RFX4: variants seen among roughly 807,000 people sequenced by gnomAD.
The protein encoded by RFX4 is regulatory factor X4.
In RFX4, 10 loss-of-function variants were observed where a neutral mutation model predicts 95.0. The observed-to-expected ratio is 0.11, with a 90% CI of 0.06 to 0.18. RFX4 has a LOEUF of 0.18. Ranked by LOEUF, RFX4 falls within the 10% of genes least tolerant of loss-of-function variation. The pLI is 1.00. For missense variants in RFX4, 640 were observed against 922.0 expected (o/e 0.69, Z 3.96); for synonymous variants, 321 against 340.7 (o/e 0.94, Z 0.64).
intron 3 of RFX4, among the ~76,000 whole-genome samples, chr12:106,641,985 A>ATATCTATATC (rs1565961057): frequency 1.4e-5 from 2 of 142,408 alleles, no homozygotes; most frequent in African/African-American, 5.8e-5. Context: ...ATCTATATCT[A>ATATCTATATC]TATCTATATC....
intron 3 of RFX4, among the ~76,000 whole-genome samples, chr12:106,648,658 G>A (rs2040800634): frequency 7.7e-6 from 1 of 129,402 alleles, no homozygotes; most frequent in African/African-American, 2.9e-5. Context: ...AAAAGAGAAT[G>A]AAAAAGTTTC....
At position 106,586,039 on chromosome 12, in the gene RFX4, G is replaced by A. The variant is rs1373597806; in HGVS notation, c.43+2676G>A. On this transcript the variant is annotated intron_variant, in intron 1 of 17. Coordinates refer to ENST00000392842, the MANE Select transcript of RFX4 (RefSeq NM_213594.3). This position sits in a 1 kb window ranked among gnomAD's most constrained non-coding sequence, Gnocchi z 5.6. ...AGTGTGGAGCTAAGACAATGGCCCG[G>A]TCGGGGGAAGCTGGGCAGCCGGCGC... 6.6e-6 allele frequency: 1 copy of A among 152,246 alleles called. No individual in the cohort carries two copies. The highest frequency in any genetic ancestry group is 2.4e-5 in the African/African-American group (1 of 41,450). 9.4% of individuals were successfully genotyped at this position (152,246 alleles called of 1,614,324 possible).
chr12:106,599,269 CT>C (rs1431906818), intron 1 of RFX4, among the ~76,000 whole-genome samples: 2 of 151,498 alleles, frequency 1.3e-5, no homozygotes, highest in Non-Finnish European at 2.9e-5. Flanking sequence ...TTGAGTTTCC[CT>C]AAAGTGGGAA....
intron 2 of RFX4, among the ~76,000 whole-genome samples, chr12:106,636,345 G>A (rs1046866245): frequency 2.7e-5 from 4 of 149,948 alleles, no homozygotes; most frequent in South Asian, 2.1e-4. Flanking sequence ...AGCTGAGATC[G>A]TGCCATTGCA....
At chr12:106,588,540 T>A (rs2039495450) in intron 1 of RFX4, among the ~76,000 whole-genome samples, 1 of 152,202 alleles carries the variant, frequency 6.6e-6, no homozygotes, top group South Asian at 2.1e-4. Flanking sequence ...GCATCCCTCC[T>A]GATGACAATC....
chr12:106,625,841 C>T (rs773329965), intron 2 of RFX4, among the ~76,000 whole-genome samples: 2 of 152,126 alleles, frequency 1.3e-5, no homozygotes, highest in Non-Finnish European at 2.9e-5. Flanking sequence ...TATTTTTTCT[C>T]CCCATTTTAC....
intron 17 of RFX4, among the ~76,000 whole-genome samples, chr12:106,753,719 C>A (rs2043056141): frequency 6.6e-6 from 1 of 152,216 alleles, no homozygotes; most frequent in Admixed American, 6.5e-5. Context: ...TCCAAGCTCT[C>A]AGGCACCACC....
intron 4 of RFX4, among the ~76,000 whole-genome samples, chr12:106,663,495 T>C (rs2137345520): frequency 6.6e-6 from 1 of 152,144 alleles, no homozygotes; most frequent in Middle Eastern, 3.4e-3. Flanking sequence ...AATTATGTCA[T>C]CTTTGAACAA....
Position 106,640,635 on chromosome 12 carries a change from T to C in RFX4, c.191+1243T>C, listed in dbSNP as rs138127446. 1.1e-4 allele frequency among the ~76,000 whole-genome samples: 17 copies of C among 152,260 alleles called. No individual in the cohort carries two copies. The East Asian group carries it at 2.5e-3, about 22-fold the overall frequency. On this transcript the variant is annotated intron_variant, in intron 3 of 17. Coordinates refer to ENST00000392842, the MANE Select transcript of RFX4 (RefSeq NM_213594.3). The stretch of plus-strand genomic sequence containing the variant: ...TTTTGCTTTATTTAAAATTCTACTT[T>C]ATGTATCAGATCAAATCTCCCCCTT...
chr12:106,720,621 C>A lies in RFX4; in HGVS notation c.1234-138C>A, dbSNP rs548521797. 8.0e-6 allele frequency: 6 copies of A among 747,410 alleles called. No homozygotes were observed. The highest frequency in any genetic ancestry group is 7.5e-4 in the Middle Eastern group (2 of 2,670). The allele number at this position is 747,410 out of a possible 1,614,324, so 46.3% of individuals were successfully genotyped here. The stretch of plus-strand genomic sequence containing the variant: ...CTGGTCTCAAACTCCTAGGCTCATG[C>A]GATCATCCGCCCACCTTGGCCTCCC... On this transcript the variant is annotated intron_variant, in intron 12 of 17. Coordinates refer to ENST00000392842, the MANE Select transcript of RFX4 (RefSeq NM_213594.3). The surrounding 1 kb of genome is among the most constrained non-coding windows in gnomAD (Gnocchi z 4.2).
At chr12:106,712,804 TTC>T (rs1231741057) in intron 10 of RFX4, among the ~76,000 whole-genome samples, 5 of 152,154 alleles carry the variant, frequency 3.3e-5, no homozygotes, top group African/African-American at 1.2e-4. Flanking sequence ...ACTGCCTTAT[TTC>T]TGAGGATGCA....
chr12:106,742,734 A>T (rs1349702422), intron 15 of RFX4, among the ~76,000 whole-genome samples: 1 of 152,212 alleles, frequency 6.6e-6, no homozygotes, highest in Non-Finnish European at 1.5e-5. Flanking sequence ...GCAGACCTGC[A>T]TTGAAATCCC....
chr12:106,693,290 AC>A lies in RFX4; in HGVS notation c.670-2992del, dbSNP rs1201330203. 5 of 211,808 alleles carry A rather than the reference AC, an allele frequency of 2.4e-5. 1 individual carries two copies. The highest frequency in any genetic ancestry group is 4.9e-5 in the Non-Finnish European group (5 of 101,576). 13.1% of individuals were successfully genotyped at this position (211,808 alleles called of 1,614,324 possible). A position where few individuals can be genotyped will look rare whatever the true frequency, so the allele number is the denominator to read the frequency against. ...GGAGAATACATCTTCTACAAAAGCC[AC>A]TCAGCAAACTGAGGATGGATCAGCC... is the stretch of plus-strand genomic sequence containing the variant. On this transcript the variant is annotated intron_variant, in intron 7 of 17. Coordinates refer to ENST00000392842, the MANE Select transcript of RFX4 (RefSeq NM_213594.3).
chr12:106,622,103 T>C (rs1325817478), intron 2 of RFX4, among the ~76,000 whole-genome samples: 1 of 152,198 alleles, frequency 6.6e-6, no homozygotes, highest in Non-Finnish European at 1.5e-5. Flanking sequence ...TCTAAGCTTA[T>C]ACAAGAAGTC....
At chr12:106,689,487 T>G in intron 7 of RFX4, 123 bp downstream of exon 7, 5 of 741,748 alleles carry the variant, frequency 6.7e-6, no homozygotes, top group Non-Finnish European at 1.2e-5. Flanking sequence ...TGGATACCCA[T>G]TAGCTCACTT....
Position 106,601,410 on chromosome 12 carries a change from G to A in RFX4, c.44-7387G>A, listed in dbSNP as rs557365900. 2.7e-6 allele frequency: 4 copies of A among 1,490,558 alleles called. No individual in the cohort carries two copies. In the South Asian group the frequency reaches 5.0e-5, roughly 19 times the overall value. 92.3% of individuals were successfully genotyped at this position (1,490,558 alleles called of 1,614,324 possible). On this transcript the variant is annotated intron_variant, in intron 1 of 17. Transcript: ENST00000392842. ...CCTGGCACCCTCAGGGGGAACTGGG[G>A]CCAGGCCCGCCTTGGTAGCTGTGAG...
At chr12:106,744,309 G>T (rs1190642793) in intron 15 of RFX4, among the ~76,000 whole-genome samples, 2 of 152,206 alleles carry the variant, frequency 1.3e-5, no homozygotes, top group African/African-American at 4.8e-5. Flanking sequence ...TTTCAGCTGT[G>T]CTGGTGAGTA....
At chr12:106,737,523 G>A (rs984608584) in intron 15 of RFX4, among the ~76,000 whole-genome samples, 1 of 151,984 alleles carries the variant, frequency 6.6e-6, no homozygotes, top group African/African-American at 2.4e-5. Flanking sequence ...GCAAGAGAGA[G>A]CATGTTATTT....
chr12:106,730,223 C>T (rs996183821), intron 13 of RFX4, among the ~76,000 whole-genome samples: 4 of 152,140 alleles, frequency 2.6e-5, no homozygotes, highest in African/African-American at 9.7e-5. Flanking sequence ...TGGGTGTATA[C>T]AGAAGCCAGG....
Sources: allele counts gnomAD v4.1 joint callset (sites outside exome capture counted in the v4.1 genomes callset), GRCh38; gene constraint gnomAD v4.1.1; non-coding constraint Gnocchi (gnomAD v3.1); transcripts MANE v1.5; gene names NCBI Gene and HGNC (gene_info 2026-07-23, HGNC 2026-07-21).